Variants in C1QL4 observed in about 807,000 individuals in gnomAD.
C1QL4 encodes complement C1q like 4.
In C1QL4, 5 loss-of-function variants were observed where a neutral mutation model predicts 13.4. The observed-to-expected ratio is 0.37, with a 90% CI of 0.19 to 0.78. The LOEUF is 0.78. Ranked by LOEUF, C1QL4 falls within the 30% of genes least tolerant of loss-of-function variation. The probability of loss-of-function intolerance (pLI) is 0.47; values close to 1 mark genes in which losing one functional copy is unlikely to be tolerated. For missense variants in C1QL4, 367 were observed against 361.6 expected (o/e 1.01, Z -0.12); for synonymous variants, 168 against 153.9 (o/e 1.09, Z -0.68).
chr12:49,335,936 C>T lies in C1QL4; in HGVS notation c.537+5G>A. ...TGAGCTGGGTTGGGGAGAGGGGCATCTCACCTGTCCGTTCTTCATGAGGTC... is the reference window on the plus strand; with the variant it reads ...TGAGCTGGGTTGGGGAGAGGGGCATTTCACCTGTCCGTTCTTCATGAGGTC... On this transcript the variant is annotated splice_donor_5th_base_variant and intron_variant, in intron 1 of 1. Transcript: ENST00000334221. 6.3e-7 allele frequency: 1 copy of T among 1,596,360 alleles called. No homozygotes were observed. The highest frequency in any genetic ancestry group is 8.5e-7 in the Non-Finnish European group (1 of 1,172,594).
intron 1 of C1QL4, among the ~76,000 whole-genome samples, chr12:49,334,433 C>T (rs561572672): frequency 4.0e-4 from 61 of 152,324 alleles, no homozygotes; most frequent in African/African-American, 1.5e-3. Context: ...TCGTCTTCTG[C>T]CAGAACAGGG....
At chr12:49,334,180 C>T (rs991604802) in intron 1 of C1QL4, among the ~76,000 whole-genome samples, 1 of 152,074 alleles carries the variant, frequency 6.6e-6, no homozygotes, top group African/African-American at 2.4e-5. Context: ...GCAACAAGAG[C>T]GAAACTGTCT....
At position 49,332,837 on chromosome 12, in the gene C1QL4, G is replaced by C. The variant is rs893510302; in HGVS notation, c.*217C>G. ...GCACTTGGGTGCGGGTGATCCCTCC[G>C]GAAGTCGCTCTGCTCCTCTGGCCGG... On this transcript the variant is annotated 3_prime_UTR_variant, in exon 2 of 2. Coordinates refer to ENST00000334221, the MANE Select transcript of C1QL4 (RefSeq NM_001008223.2). The C allele has an allele frequency of 1.7e-6, 1 of 583,384 alleles. No individual in the cohort carries two copies. The highest frequency in any genetic ancestry group is 3.0e-6 in the Non-Finnish European group (1 of 332,966). The allele number at this position is 583,384 out of a possible 1,614,324, so 36.1% of individuals were successfully genotyped here.
intron 1 of C1QL4, among the ~76,000 whole-genome samples, chr12:49,334,299 G>A (rs1415740621): frequency 1.3e-5 from 2 of 152,240 alleles, no homozygotes; most frequent in Non-Finnish European, 2.9e-5. Context: ...TTCCCCAGTG[G>A]TGGGGCATAG....
At position 49,333,238 on chromosome 12, in the gene C1QL4, C is replaced by G. The variant is rs568899580; in HGVS notation, c.538-5G>C. 1.2e-6 allele frequency: 2 copies of G among 1,612,664 alleles called. No individual in the cohort carries two copies. Among genetic ancestry groups the G allele is most frequent in the East Asian group, 2.2e-5 (1 of 44,840 alleles). On this transcript the variant is annotated splice_polypyrimidine_tract_variant and splice_region_variant and intron_variant, in intron 1 of 1. Transcript: ENST00000334221. ...AGCAATGGCGCTGGCCCGGACCTATCGAGGGAGAAGAACCTGCTCATGCTC... is the reference window on the plus strand; with the variant it reads ...AGCAATGGCGCTGGCCCGGACCTATGGAGGGAGAAGAACCTGCTCATGCTC...
chr12:49,336,712 C>CG lies in C1QL4; in HGVS notation c.-236dup. ...GCCGCGGCGGTGCCGCTCCCCAAGCCGTCCGTCAAGGGGAGGCCCCTCGTG... is the reference window on the plus strand; with the variant it reads ...GCCGCGGCGGTGCCGCTCCCCAAGCCGGTCCGTCAAGGGGAGGCCCCTCGTG... On this transcript the variant is annotated 5_prime_UTR_variant, in exon 1 of 2. Transcript: ENST00000334221. The surrounding 1 kb of genome is among the most constrained non-coding windows in gnomAD (Gnocchi z 7.7). The CG allele has an allele frequency of 2.1e-6, 1 of 484,182 alleles. No homozygotes were observed. The highest frequency in any genetic ancestry group is 3.5e-6 in the Non-Finnish European group (1 of 281,920). The allele number at this position is 484,182 out of a possible 1,614,324, so 30.0% of individuals were successfully genotyped here.
At chr12:49,334,252 G>A (rs575194718) in intron 1 of C1QL4, among the ~76,000 whole-genome samples, 1 of 152,262 alleles carries the variant, frequency 6.6e-6, no homozygotes, top group African/African-American at 2.4e-5. Flanking sequence ...ATTCTGAACC[G>A]GCTGGGACCT....
rs748657002 is a variant in C1QL4, at chr12:49,333,036, G to A, written c.*18C>T. The A allele has an allele frequency of 1.3e-6, 2 of 1,597,856 alleles. No individual in the cohort carries two copies. Among genetic ancestry groups the A allele is most frequent in the Non-Finnish European group, 1.7e-6 (2 of 1,171,298 alleles). ...GACGGGAGAGAAGGGGCGAGCGGGG[G>A]CACGGGGCGGGGCCGGCTCAGTCGG... On this transcript the variant is annotated 3_prime_UTR_variant, in exon 2 of 2. Coordinates refer to ENST00000334221, the MANE Select transcript of C1QL4 (RefSeq NM_001008223.2).
intron 1 of C1QL4, 114 bp downstream of exon 1, chr12:49,335,827 G>A: frequency 7.6e-7 from 1 of 1,312,306 alleles, no homozygotes; most frequent in Non-Finnish European, 1.1e-6. Flanking sequence ...TGGCAGCCTC[G>A]CGTTCCTGGA....
At chr12:49,334,134 C>G (rs533687914) in intron 1 of C1QL4, among the ~76,000 whole-genome samples, 3 of 152,010 alleles carry the variant, frequency 2.0e-5, no homozygotes, top group Non-Finnish European at 4.4e-5. Flanking sequence ...CAGAGGTTGC[C>G]GTGAGCCGAG....
chr12:49,335,912 G>T (rs931801999), intron 1 of C1QL4, 29 bp downstream of exon 1: 2 of 1,580,910 alleles, frequency 1.3e-6, no homozygotes, highest in Non-Finnish European at 1.7e-6. Context: ...CGACCAGTCT[G>T]AGCTGGGTTG....
In C1QL4 at chr12:49,336,402, C is replaced by T; in HGVS notation, c.76G>A (p.Gly26Ser). Residue 26 changes from glycine to serine, a missense_variant, in exon 1 of 2, where the codon GGT (glycine) becomes AGT (serine). Gly to Ser is a moderately conservative substitution (Grantham distance 56). Coordinates refer to ENST00000334221, the MANE Select transcript of C1QL4 (RefSeq NM_001008223.2). The surrounding 1 kb of genome is among the most constrained non-coding windows in gnomAD (Gnocchi z 7.7). ...SRGPAHYEML[G>S]RCRMVCDPHG... ...GGGTCGCACACCATGCGGCAGCGAC[C>T]CAGCATCTCGTAGTGCGCTGGCCCG... The T allele has an allele frequency of 2.0e-6, 3 of 1,524,070 alleles. No homozygotes were observed. Among genetic ancestry groups the T allele is most frequent in the Non-Finnish European group, 2.6e-6 (3 of 1,151,386 alleles). The allele number at this position is 1,524,070 out of a possible 1,614,324, so 94.4% of individuals were successfully genotyped here.
Position 49,336,196 on chromosome 12 carries a change from A to T in C1QL4, c.282T>A (p.Gly94=), listed in dbSNP as rs368963671. The part of the protein sequence containing the change: ...PGRPGPPGPP[G]PGPGGVAPAA... ...CGGGCGCCACCCCGCCCGGACCTGG[A>T]CCGGGAGGGCCCGGGGGGCCTGGCC... The change falls in exon 1 of 2, where the codon GGT becomes GGA. Residue 94 remains glycine (G), a synonymous_variant. Transcript: ENST00000334221. This position sits in a 1 kb window ranked among gnomAD's most constrained non-coding sequence, Gnocchi z 7.7. 18 of 1,572,618 alleles carry T rather than the reference A, an allele frequency of 1.1e-5. No individual in the cohort carries two copies. Among genetic ancestry groups the T allele is most frequent in the Non-Finnish European group, 1.6e-5 (18 of 1,160,192 alleles).
At chr12:49,333,965 C>T (rs953046331) in intron 1 of C1QL4, among the ~76,000 whole-genome samples, 1 of 151,692 alleles carries the variant, frequency 6.6e-6, no homozygotes, top group Non-Finnish European at 1.5e-5. Context: ...AGGCCGAGGC[C>T]GGCAGATCAT....
rs1943605927 is a variant in C1QL4 at position 49,333,243 on chromosome 12, G to A, written c.538-10C>T. On this transcript the variant is annotated splice_polypyrimidine_tract_variant and intron_variant, in intron 1 of 1. Coordinates refer to ENST00000334221, the MANE Select transcript of C1QL4 (RefSeq NM_001008223.2). Reference sequence around the variant, plus strand: ...TGGCGCTGGCCCGGACCTATCGAGGGAGAAGAACCTGCTCATGCTCTGTGT... The same window carrying A: ...TGGCGCTGGCCCGGACCTATCGAGGAAGAAGAACCTGCTCATGCTCTGTGT... The A allele has an allele frequency of 6.2e-7, 1 of 1,612,364 alleles. No individual in the cohort carries two copies. Among genetic ancestry groups the A allele is most frequent in the Admixed American group, 1.7e-5 (1 of 59,916 alleles).
In C1QL4 at chr12:49,332,929, G is replaced by C. The variant is rs1943602086; in HGVS notation, c.*125C>G. ...GAGTTCGCCCATTTAGGCCGCCTCCGGGAACGGAAGGGTCCACCCCACCGC... is the reference window on the plus strand; with the variant it reads ...GAGTTCGCCCATTTAGGCCGCCTCCCGGAACGGAAGGGTCCACCCCACCGC... On this transcript the variant is annotated 3_prime_UTR_variant, in exon 2 of 2. Coordinates refer to ENST00000334221, the MANE Select transcript of C1QL4 (RefSeq NM_001008223.2). The C allele has an allele frequency of 9.6e-7, 1 of 1,040,376 alleles. No homozygotes were observed. The highest frequency in any genetic ancestry group is 2.6e-5 in the East Asian group (1 of 38,102). The allele number at this position is 1,040,376 out of a possible 1,614,324, so 64.4% of individuals were successfully genotyped here.
At position 49,336,150 on chromosome 12, in the gene C1QL4, T is replaced by G; in HGVS notation, c.328A>C (p.Ile110Leu). Reference sequence around the variant, plus strand: ...CGCCGCAGGCCCGCGTAGAAAGCAATGCGAGGCACGTAGCCGGCAGCGGGC... The same window carrying G: ...CGCCGCAGGCCCGCGTAGAAAGCAAGGCGAGGCACGTAGCCGGCAGCGGGC... ...VAPAAGYVPR[I>L]AFYAGLRRPH... The change falls in exon 1 of 2, where the codon ATT (isoleucine) becomes CTT (leucine). Residue 110 changes from isoleucine to leucine, a missense_variant. Physicochemically the swap from Ile to Leu is conservative, Grantham distance 5 (BLOSUM62 2). Transcript: ENST00000334221. The surrounding 1 kb of genome is among the most constrained non-coding windows in gnomAD (Gnocchi z 7.7). 6.2e-7 allele frequency: 1 copy of G among 1,607,114 alleles called. No individual in the cohort carries two copies. The highest frequency in any genetic ancestry group is 8.5e-7 in the Non-Finnish European group (1 of 1,176,956).
At chr12:49,333,959 C>T (rs921637202) in intron 1 of C1QL4, among the ~76,000 whole-genome samples, 2 of 151,700 alleles carry the variant, frequency 1.3e-5, no homozygotes, top group South Asian at 4.2e-4. Context: ...TTTGGGAGGC[C>T]GAGGCCGGCA....
rs1376066596 is a variant in C1QL4 at position 49,333,286 on chromosome 12, A to G, written c.538-53T>C. On this transcript the variant is annotated intron_variant, in intron 1 of 1. Coordinates refer to ENST00000334221, the MANE Select transcript of C1QL4 (RefSeq NM_001008223.2). Reference sequence around the variant, plus strand: ...CTCTGTGTGGAGCTGGGGTGACGAGAGGGGTCGGGGCGGCTGGGCGTGCGA... The same window carrying G: ...CTCTGTGTGGAGCTGGGGTGACGAGGGGGGTCGGGGCGGCTGGGCGTGCGA... 2.1e-5 allele frequency: 33 copies of G among 1,556,582 alleles called. No homozygotes were observed. The South Asian group carries it at 3.1e-4, about 15-fold the overall frequency.
Sources: allele counts gnomAD v4.1 joint callset (sites outside exome capture counted in the v4.1 genomes callset), GRCh38; gene constraint gnomAD v4.1.1; non-coding constraint Gnocchi (gnomAD v3.1); transcripts MANE v1.5; gene names NCBI Gene and HGNC (gene_info 2026-07-23, HGNC 2026-07-21).